TG: variants seen among roughly 807,000 people sequenced by gnomAD.
The protein encoded by TG is thyroid hormones.
In TG, 270 loss-of-function variants were observed where a neutral mutation model predicts 324.7. The ratio of observed to expected loss-of-function variants is 0.83; its 90% confidence interval spans 0.75 to 0.92. TG has a LOEUF of 0.92. Ranked by LOEUF, TG falls within the 40% of genes least tolerant of loss-of-function variation. TG has a pLI of 0.00. For missense variants in TG, 3,591 were observed against 3,456.4 expected (o/e 1.04, Z -0.98); for synonymous variants, 1,401 against 1,327.0 (o/e 1.06, Z -1.21).
At chr8:132,908,830 G>T (rs1377267467) in intron 18 of TG, among the ~76,000 whole-genome samples, 1 of 152,190 alleles carries the variant, frequency 6.6e-6, no homozygotes, top group Non-Finnish European at 1.5e-5. Flanking sequence ...GAAAGGTCAG[G>T]AAGAGGCCTC....
At chr8:133,011,094 TG>T (rs1224142518) in intron 35 of TG, among the ~76,000 whole-genome samples, 3 of 152,056 alleles carry the variant, frequency 2.0e-5, no homozygotes, top group African/African-American at 7.2e-5. Flanking sequence ...AGAGCATGCT[TG>T]GGATATAGAA....
chr8:133,038,213 T>C (rs979585100), intron 41 of TG: 98 of 375,886 alleles, frequency 2.6e-4, no homozygotes, highest in African/African-American at 1.8e-3. Context: ...TGCCCTTTCT[T>C]GTGAGAGTGG....
At chr8:132,926,467 C>T (rs1821882515) in intron 22 of TG, among the ~76,000 whole-genome samples, 1 of 152,234 alleles carries the variant, frequency 6.6e-6, no homozygotes, top group Admixed American at 6.5e-5. Flanking sequence ...CCTCTGGGCT[C>T]TAACCTCATT....
rs777439158 is a variant in TG, at chr8:132,933,586, C to T, written c.4842C>T (p.Ser1614=). 1 of 1,614,122 alleles carries T rather than the reference C, an allele frequency of 6.2e-7. No individual in the cohort carries two copies. The highest frequency in any genetic ancestry group is 8.5e-7 in the Non-Finnish European group (1 of 1,180,022). The change falls in exon 24 of 48, where the codon AGC becomes AGT. Residue 1614 remains serine (S), a synonymous_variant. Transcript: ENST00000220616. ...ATTGCACAGAGGACGAGGCCTGCAG[C>T]TTCTTCACCGTGTCCACGACGGAGC... The part of the protein sequence containing the change: ...LTDCTEDEAC[S]FFTVSTTEPE...
chr8:132,918,667 T>C (rs902395114), intron 20 of TG, among the ~76,000 whole-genome samples: 1 of 152,210 alleles, frequency 6.6e-6, no homozygotes, highest in African/African-American at 2.4e-5. Flanking sequence ...TGGAGATGAA[T>C]GAATGGAGCT....
chr8:132,914,553 A>T (rs1364057732), intron 20 of TG, among the ~76,000 whole-genome samples: 1 of 152,364 alleles, frequency 6.6e-6, no homozygotes, highest in African/African-American at 2.4e-5. Flanking sequence ...CTGCACAAAC[A>T]TTTAACTCTC....
At chr8:132,957,505 G>A (rs1050408746) in intron 27 of TG, among the ~76,000 whole-genome samples, 1 of 151,996 alleles carries the variant, frequency 6.6e-6, no homozygotes, top group Non-Finnish European at 1.5e-5. Flanking sequence ...TATAATTTTT[G>A]ACATTATGTA....
At chr8:133,040,063 T>C (rs1290131393) in intron 41 of TG, 1 of 1,555,418 alleles carries the variant, frequency 6.4e-7, no homozygotes, top group Non-Finnish European at 8.7e-7. Context: ...AGGCCCTCAC[T>C]GCTGGGGCAG....
intron 24 of TG, among the ~76,000 whole-genome samples, chr8:132,935,281 C>T (rs1823410131): frequency 6.6e-6 from 1 of 152,002 alleles, no homozygotes; most frequent in Admixed American, 6.6e-5. Flanking sequence ...GCTGGGATTA[C>T]AGGCAGACGC....
chr8:133,004,311 C>T (rs1034872692), intron 35 of TG, among the ~76,000 whole-genome samples: 13 of 152,190 alleles, frequency 8.5e-5, no homozygotes, highest in African/African-American at 3.1e-4. Context: ...GGAATGAGGG[C>T]TGATCTGTCA....
chr8:133,021,909 T>G, intron 39 of TG, 82 bp from the exon 40 acceptor site: 1 of 1,571,104 alleles, frequency 6.4e-7, no homozygotes, highest in South Asian at 1.1e-5. Context: ...AGAGGAGTCC[T>G]GTGTCAACCA....
intron 10 of TG, among the ~76,000 whole-genome samples, chr8:132,892,822 G>GGT: frequency 6.7e-6 from 1 of 150,212 alleles, no homozygotes; most frequent in Non-Finnish European, 1.5e-5. Context: ...TTATGTGTGT[G>GGT]GTGTGTGTGT....
chr8:132,908,868 G>A (rs1819087052), intron 18 of TG, among the ~76,000 whole-genome samples: 1 of 152,168 alleles, frequency 6.6e-6, no homozygotes, highest in South Asian at 2.1e-4. Context: ...AGGGACGGGA[G>A]TGAGGTAAGG....
At chr8:132,878,460 C>T (rs1181964664) in intron 5 of TG, among the ~76,000 whole-genome samples, 1 of 151,822 alleles carries the variant, frequency 6.6e-6, no homozygotes, top group Non-Finnish European at 1.5e-5. Context: ...ACTAAAAATA[C>T]AAAAAATTAG....
At chr8:133,102,613 G>T in intron 43 of TG, 1 of 1,533,636 alleles carries the variant, frequency 6.5e-7, no homozygotes, top group South Asian at 1.2e-5. Context: ...CTTATTTTCT[G>T]AAGTAGCAGC....
intron 45 of TG, among the ~76,000 whole-genome samples, chr8:133,124,149 C>G (rs7461513): frequency 6.6e-6 from 1 of 152,206 alleles, no homozygotes; most frequent in East Asian, 1.9e-4. Context: ...CTTAAAATGC[C>G]TGGGGGCTGG....
chr8:133,093,383 G>A (rs6988528), intron 41 of TG, among the ~76,000 whole-genome samples: 108,961 of 152,006 alleles, frequency 0.72, 39,490 homozygotes, highest in Non-Finnish European at 0.75. Context: ...GCTGAGAGCA[G>A]AGTGAGCCAC....
chr8:133,081,622 C>T (rs750281652), intron 41 of TG, among the ~76,000 whole-genome samples: 1 of 152,178 alleles, frequency 6.6e-6, no homozygotes, highest in Non-Finnish European at 1.5e-5. Flanking sequence ...TCCACCACAA[C>T]TGTCTGCTGC....
In TG at chr8:132,903,995, G is replaced by T. The variant is rs1056447897; in HGVS notation, c.3634+2442G>T. On this transcript the variant is annotated intron_variant, in intron 16 of 47. Transcript: ENST00000220616. ...ATTACTTAGGGGATGGACTTGCTCA[G>T]ATACCAAGTTGCCTCTCTCTGCATC... Among the ~76,000 whole-genome samples the T allele has an allele frequency of 7.9e-5, 12 of 152,346 alleles. No individual in the cohort carries two copies. The East Asian group carries it at 2.3e-3, about 29-fold the overall frequency.
Sources: gnomAD v4.1 joint callset for allele counts (sites outside exome capture counted in the v4.1 genomes callset) on GRCh38, gnomAD v4.1.1 for gene constraint, MANE v1.5 for transcripts, NCBI Gene and HGNC (gene_info 2026-07-23, HGNC 2026-07-21) for gene names.